The following LMNB2 variants were observed in gnomAD, a reference collection of about 807,000 sequenced individuals.
LMNB2 encodes the protein lamin B2.
LMNB2 carries 17 observed loss-of-function variants against 69.3 expected under a neutral mutation model. The observed-to-expected ratio is 0.25, with a 90% confidence interval of 0.17 to 0.37. The LOEUF (loss-of-function observed/expected upper bound fraction) is 0.37, where lower values mean the gene tolerates loss of function less well. Among genes scored for constraint, LMNB2 ranks in the 10% least tolerant of loss-of-function variants. LMNB2 has a pLI of 1.00. For synonymous variants in LMNB2, 397 were observed against 389.3 expected, an observed-to-expected ratio of 1.02 and a Z score of -0.23; for missense variants, 789 against 883.6, an observed-to-expected ratio of 0.89 and a Z score of 1.36.
At chr19:2,435,230 A>C (rs1168814536) in intron 4 of LMNB2, 59 bp from the exon 5 acceptor site, 7 of 1,587,278 alleles carry the variant, frequency 4.4e-6, no homozygotes, top group East Asian at 2.2e-5. Flanking sequence ...ACCAGGCCCA[A>C]GGGAGGGCTC....
At position 2,456,952 on chromosome 19, in the gene LMNB2, T is replaced by A; in HGVS notation, c.-19A>T. On this transcript the variant is annotated 5_prime_UTR_variant, in exon 1 of 12. Transcript: ENST00000325327. ...GGCTCATTCAATCCGCGCCGCCGGCTGCAAGATGGCGCCGCGCCGCGCCGC... is the reference window on the plus strand; with the variant it reads ...GGCTCATTCAATCCGCGCCGCCGGCAGCAAGATGGCGCCGCGCCGCGCCGC... 1.0e-6 allele frequency: 1 copy of A among 985,268 alleles called. No homozygotes were observed. The highest frequency in any genetic ancestry group is 1.2e-6 in the Non-Finnish European group (1 of 831,332). The allele number at this position is 985,268 out of a possible 1,614,324, so 61.0% of individuals were successfully genotyped here. A position where few individuals can be genotyped will look rare whatever the true frequency, so the allele number is the denominator to read the frequency against.
rs1248576523 is a variant in LMNB2, at chr19:2,435,097, G to C, written c.759C>G (p.Asp253Glu). 6.2e-7 allele frequency: 1 copy of C among 1,609,962 alleles called. No homozygotes were observed. Among genetic ancestry groups the C allele is most frequent in the Non-Finnish European group, 8.5e-7 (1 of 1,179,648 alleles). Residue 253 changes from aspartate to glutamate, a missense_variant, in exon 5 of 12, where the codon GAC (aspartate) becomes GAG (glutamate). Physicochemically the swap from Asp to Glu is conservative, Grantham distance 45. Around this residue, in one of 3 missense-constraint regions of LMNB2, gnomAD observed 609 missense variants for 630.9 expected, o/e 0.97. Coordinates refer to ENST00000325327, the MANE Select transcript of LMNB2 (RefSeq NM_032737.4). ...EVDSSRQQEY[D>E]FKMAQALEEL... ...CCTCCAGCGCCTGTGCCATCTTGAA[G>C]TCGTACTCCTGCTGCCGGCTGCTGT...
At chr19:2,451,141 T>A (rs1000221144) in intron 1 of LMNB2, among the ~76,000 whole-genome samples, 8 of 152,160 alleles carry the variant, frequency 5.3e-5, no homozygotes, top group African/African-American at 1.7e-4. Context: ...CTGGGGAGGC[T>A]GAGGCACAAG....
chr19:2,434,578 T>A, intron 6 of LMNB2, 63 bp from the exon 7 acceptor site: 2 of 1,566,622 alleles, frequency 1.3e-6, no homozygotes, highest in South Asian at 2.3e-5. Flanking sequence ...CAGGTGATCC[T>A]GGGACTGCGG....
At chr19:2,439,655 C>T (rs1016491554) in intron 2 of LMNB2, among the ~76,000 whole-genome samples, 4 of 152,070 alleles carry the variant, frequency 2.6e-5, no homozygotes, top group African/African-American at 7.2e-5. Context: ...CACATCCAGG[C>T]GGCTCGAGCC....
intron 2 of LMNB2, among the ~76,000 whole-genome samples, chr19:2,440,570 TCATCCATC>T (rs962835824): frequency 6.6e-6 from 1 of 151,724 alleles, no homozygotes; most frequent in Admixed American, 6.6e-5. Context: ...CATCCACCCA[TCATCCATC>T]CATCCATCCA....
In LMNB2 at chr19:2,443,128, G is replaced by A. The variant is rs560337098; in HGVS notation, c.401+1276C>T. 1.3e-5 allele frequency among the ~76,000 whole-genome samples: 2 copies of A among 152,364 alleles called. No individual in the cohort carries two copies. Among genetic ancestry groups the A allele is most frequent in the Admixed American group, 1.3e-4 (2 of 15,312 alleles). On this transcript the variant is annotated intron_variant, in intron 2 of 11. Transcript: ENST00000325327. The surrounding 1 kb of genome is among the most constrained non-coding windows in gnomAD (Gnocchi z 6.2). ...GCAGGTCCCGGGGTGCACCTGTGCT[G>A]TGTGGGATGTGCTGAGAGTGGGCAG...
At position 2,429,405 on chromosome 19, in the gene LMNB2, G is replaced by A. The variant is rs1290586215; in HGVS notation, c.*1506C>T. The A allele has an allele frequency of 6.6e-6, 1 of 152,286 alleles. No individual in the cohort carries two copies. Among genetic ancestry groups the A allele is most frequent in the Admixed American group, 6.5e-5 (1 of 15,288 alleles). 9.4% of individuals were successfully genotyped at this position (152,286 alleles called of 1,614,324 possible). ...CCCCCCTCTATCTACATGGGACCGG[G>A]ACTTCTGAGAGCAAGGACAGCGAGC... is the stretch of plus-strand genomic sequence containing the variant. On this transcript the variant is annotated 3_prime_UTR_variant, in exon 12 of 12. Coordinates refer to ENST00000325327, the MANE Select transcript of LMNB2 (RefSeq NM_032737.4).
At chr19:2,432,554 G>C (rs1366091136) in intron 8 of LMNB2, 31 bp from the exon 9 acceptor site, 7 of 1,574,746 alleles carry the variant, frequency 4.4e-6, no homozygotes, top group Non-Finnish European at 5.2e-6. Context: ...CTGACCCTCA[G>C]CCACCAGGAC....
chr19:2,435,158 G>A lies in LMNB2; in HGVS notation c.698C>T (p.Thr233Met), dbSNP rs779614513. 30 of 1,602,738 alleles carry A rather than the reference G, an allele frequency of 1.9e-5. No homozygotes were observed. The highest frequency in any genetic ancestry group is 2.7e-5 in the African/African-American group (2 of 75,028). ...CAGGCGCCGCTCGTGCCGCCGCCGCGTCTCCCGCACCTCCTGCGGACCAAG... is the reference window on the plus strand; with the variant it reads ...CAGGCGCCGCTCGTGCCGCCGCCGCATCTCCCGCACCTCCTGCGGACCAAG... ...KSVFEEEVRE[T>M]RRRHERRLVE... is the part of the protein sequence containing the mutation. Residue 233 changes from threonine to methionine, a missense_variant, in exon 5 of 12, where the codon ACG (threonine) becomes ATG (methionine). Thr to Met is a moderately conservative substitution (Grantham distance 81). Around this residue, in one of 3 missense-constraint regions of LMNB2, gnomAD observed 609 missense variants for 630.9 expected, o/e 0.97. Transcript: ENST00000325327.
chr19:2,431,525 G>C (rs766738739), intron 11 of LMNB2, 23 bp downstream of exon 11: 2 of 1,613,784 alleles, frequency 1.2e-6, no homozygotes, highest in Non-Finnish European at 1.7e-6. Context: ...CCCCCCAGCC[G>C]CAAGTGGGCA....
At chr19:2,432,654 C>G in intron 8 of LMNB2, 131 bp from the exon 9 acceptor site, 1 of 775,592 alleles carries the variant, frequency 1.3e-6, no homozygotes, top group Non-Finnish European at 2.3e-6. Flanking sequence ...TACCCCCATG[C>G]CCTGGTCATT....
At position 2,431,835 on chromosome 19, in the gene LMNB2, C is replaced by A; in HGVS notation, c.1658G>T (p.Ser553Ile). 6.2e-7 allele frequency: 1 copy of A among 1,613,602 alleles called. No individual in the cohort carries two copies. Among genetic ancestry groups the A allele is most frequent in the Non-Finnish European group, 8.5e-7 (1 of 1,179,940 alleles). The change falls in exon 10 of 12, where the codon AGC becomes ATC. Residue 553 changes from serine (S) to isoleucine (I), a missense_variant. Transcript: ENST00000325327. ...GCGGAAGCTCTCGCCCGTGCCCCAG[C>A]TGCTCTGGCCCTTCCACACCAGCGT... ...PSTLVWKGQS[S>I]WGTGESFRTV...
Position 2,434,330 on chromosome 19 carries a change from G to A in LMNB2, c.1167C>T (p.Asn389=), listed in dbSNP as rs1180060175. The A allele has an allele frequency of 2.4e-5, 39 of 1,613,088 alleles. No individual in the cohort carries two copies. Among genetic ancestry groups the A allele is most frequent in the African/African-American group, 6.7e-5 (5 of 75,040 alleles). Residue 389 remains asparagine (N), a synonymous_variant, in exon 7 of 12, where the codon AAC becomes AAT. Transcript: ENST00000325327. The stretch of plus-strand genomic sequence containing the variant: ...CGCCCTCCAGGAGCTTCCGGTAGGC[G>A]TTGATCTCCATGTCCAGGGCCAGCT... The part of the protein sequence containing the change: ...DVKLALDMEI[N]AYRKLLEGEE...
At chr19:2,454,727 A>C (rs1470378180) in intron 1 of LMNB2, among the ~76,000 whole-genome samples, 3 of 152,126 alleles carry the variant, frequency 2.0e-5, no homozygotes, top group African/African-American at 7.2e-5. Context: ...TAGGGACCCC[A>C]GGACCCCAAC....
intron 1 of LMNB2, among the ~76,000 whole-genome samples, chr19:2,456,279 G>C (rs1287718621): frequency 7.2e-6 from 1 of 138,616 alleles, no homozygotes; most frequent in Non-Finnish European, 1.6e-5. Context: ...TCACTCAGAA[G>C]CCCCCAAACC....
chr19:2,445,810 G>T (rs1456832093), intron 1 of LMNB2, among the ~76,000 whole-genome samples: 1 of 62,988 alleles, frequency 1.6e-5, no homozygotes, highest in Admixed American at 1.8e-4. Context: ...CCCCACCAGC[G>T]GCCCCCACCT....
intron 11 of LMNB2, 96 bp downstream of exon 11, chr19:2,431,452 T>A: frequency 1.3e-6 from 2 of 1,529,270 alleles, no homozygotes; most frequent in Non-Finnish European, 1.8e-6. Context: ...GGAGCTCCCG[T>A]CGGGGATGCG....
chr19:2,434,992 C>T lies in LMNB2; in HGVS notation c.855+9G>A, dbSNP rs772053278. 11 of 1,603,902 alleles carry T rather than the reference C, an allele frequency of 6.9e-6. No individual in the cohort carries two copies. Among genetic ancestry groups the T allele is most frequent in the South Asian group, 5.5e-5 (5 of 91,026 alleles). On this transcript the variant is annotated intron_variant, in intron 5 of 11. Transcript: ENST00000325327. ...CGGCCGCCCCCGCCCACCCGCCTGC[C>T]GGCCACACCTTGGCCTGGTAGGTCT...
Sources: gnomAD v4.1 joint callset for allele counts (sites outside exome capture counted in the v4.1 genomes callset) on GRCh38, gnomAD v4.1.1 for gene constraint, gnomAD v4.1.1 regional missense constraint, Gnocchi (gnomAD v3.1) non-coding constraint, MANE v1.5 for transcripts, NCBI Gene and HGNC (gene_info 2026-07-23, HGNC 2026-07-21) for gene names.